PSME4: variants seen among roughly 807,000 people sequenced by gnomAD.
PSME4 encodes the protein proteasome activator complex subunit 4.
In PSME4, 89 loss-of-function variants were observed where a neutral mutation model predicts 253.9. The observed-to-expected ratio is 0.35, with a 90% CI of 0.30 to 0.42. The LOEUF (loss-of-function observed/expected upper bound fraction) is 0.42. PSME4 is among the 10% of genes least tolerant of loss of function. PSME4 has a pLI of 1.00. For missense variants in PSME4, 2,014 were observed against 2,195.2 expected (o/e 0.92, Z 1.65); for synonymous variants, 851 against 759.2 (o/e 1.12, Z -1.99).
rs190266516 is a variant in PSME4, at chr2:53,941,001, G to A, written c.501-1001C>T. Among the ~76,000 whole-genome samples, 100 of 46,472 alleles carry A rather than the reference G, an allele frequency of 2.2e-3. 2 individuals are homozygous for A. The highest frequency in any genetic ancestry group is 3.9e-3 in the Non-Finnish European group (79 of 20,022). 30.5% of individuals were successfully genotyped at this position (46,472 alleles called of 152,430 possible). A position where few individuals can be genotyped will look rare whatever the true frequency, so the allele number is the denominator to read the frequency against. ...TATATATATATATATATATATATAT[G>A]AAAGGAGTAAGTTTCAGGCAATGTC... On this transcript the variant is annotated intron_variant, in intron 3 of 46. Transcript: ENST00000404125.
intron 3 of PSME4, among the ~76,000 whole-genome samples, chr2:53,941,778 A>C (rs1191954299): frequency 6.6e-6 from 1 of 152,152 alleles, no homozygotes; most frequent in East Asian, 1.9e-4. Flanking sequence ...CATAAGATAC[A>C]TAATTCTATC....
At chr2:53,875,855 T>G in intron 41 of PSME4, 100 bp from the exon 42 acceptor site, 1 of 1,156,054 alleles carries the variant, frequency 8.7e-7, no homozygotes, top group Non-Finnish European at 1.2e-6. Context: ...TTAACAATTT[T>G]TATGGAAAAT....
chr2:53,898,974 C>T (rs1483239748), intron 29 of PSME4, among the ~76,000 whole-genome samples: 1 of 151,254 alleles, frequency 6.6e-6, no homozygotes, highest in Non-Finnish European at 1.5e-5. Context: ...TGATGTGTAC[C>T]AGTTATGTAG....
At chr2:53,920,550 C>A (rs992244885) in intron 18 of PSME4, among the ~76,000 whole-genome samples, 200 bp from the exon 19 acceptor site, 2 of 152,094 alleles carry the variant, frequency 1.3e-5, no homozygotes, top group African/African-American at 4.8e-5. Context: ...AAAAGTCTCC[C>A]CGAAGAGTAC....
In PSME4 at chr2:53,864,222, T is replaced by C. The variant is rs996381282; in HGVS notation, c.*1356A>G. The C allele has an allele frequency of 6.6e-6, 1 of 152,242 alleles. No homozygotes were observed. The highest frequency in any genetic ancestry group is 2.4e-5 in the African/African-American group (1 of 41,454). The allele number at this position is 152,242 out of a possible 1,614,324, so 9.4% of individuals were successfully genotyped here. On this transcript the variant is annotated 3_prime_UTR_variant, in exon 47 of 47. Coordinates refer to ENST00000404125, the MANE Select transcript of PSME4 (RefSeq NM_014614.3). ...TAGGTCTGTATTCAGTCATTCAGCA[T>C]GTAGATACTAAAAATATACTGTAGT...
At chr2:53,908,486 G>C (rs202164033) in intron 23 of PSME4, 24 bp downstream of exon 23, 1 of 1,609,374 alleles carries the variant, frequency 6.2e-7, no homozygotes, top group Admixed American at 1.7e-5. Flanking sequence ...TAATCATTAT[G>C]CAACTATCAA....
intron 42 of PSME4, among the ~76,000 whole-genome samples, chr2:53,874,734 C>G (rs1679044768): frequency 6.6e-6 from 1 of 152,162 alleles, no homozygotes; most frequent in Non-Finnish European, 1.5e-5. Context: ...CACCTGAGGT[C>G]AGGAGTTTGA....
At chr2:53,961,426 T>C in intron 1 of PSME4, among the ~76,000 whole-genome samples, 1 of 152,098 alleles carries the variant, frequency 6.6e-6, no homozygotes, top group Non-Finnish European at 1.5e-5. Context: ...CCCAGCACTT[T>C]GGGAGGGCGA....
chr2:53,937,101 T>C lies in PSME4; in HGVS notation c.696-274A>G, dbSNP rs549722393. 6.2e-4 allele frequency among the ~76,000 whole-genome samples: 94 copies of C among 152,330 alleles called. 1 individual carries two copies. Among genetic ancestry groups the C allele is most frequent in the Non-Finnish European group, 9.3e-4 (63 of 68,024 alleles). ...TATTTAACAATTGTTTTCAATTTTC[T>C]ACCTCCTTTTCCCTGCCCTTCTCCT... On this transcript the variant is annotated intron_variant, in intron 5 of 46. Coordinates refer to ENST00000404125, the MANE Select transcript of PSME4 (RefSeq NM_014614.3).
intron 11 of PSME4, among the ~76,000 whole-genome samples, chr2:53,927,865 G>A (rs1175196374): frequency 1.3e-5 from 2 of 152,162 alleles, no homozygotes; most frequent in Admixed American, 1.3e-4. Flanking sequence ...GAGAATTGCT[G>A]GAACCCAGGA....
chr2:53,895,538 T>G, intron 33 of PSME4, 45 bp downstream of exon 33: 1 of 1,543,716 alleles, frequency 6.5e-7, no homozygotes, highest in Non-Finnish European at 8.7e-7. Flanking sequence ...ATAAAGCAGT[T>G]ATATCAAAGG....
chr2:53,879,804 A>AAAAAAG (rs1426891782), intron 41 of PSME4, among the ~76,000 whole-genome samples: 1 of 149,400 alleles, frequency 6.7e-6, no homozygotes, highest in African/African-American at 2.4e-5. Context: ...CCTGTCTCAA[A>AAAAAAG]AAAAAAAAAA....
chr2:53,907,108 T>C (rs903234006), intron 24 of PSME4, among the ~76,000 whole-genome samples: 10 of 152,156 alleles, frequency 6.6e-5, no homozygotes, highest in African/African-American at 2.4e-4. Context: ...TTTTCTCTGA[T>C]AGTTTACTAT....
chr2:53,864,701 C>A lies in PSME4; in HGVS notation c.*877G>T, dbSNP rs969334310. On this transcript the variant is annotated 3_prime_UTR_variant, in exon 47 of 47. Coordinates refer to ENST00000404125, the MANE Select transcript of PSME4 (RefSeq NM_014614.3). Reference sequence around the variant, plus strand: ...TAAATATTAAGCCTTATTAGTCTCTCAACGATTCTGCAGGCAAAATAAAAA... The same window carrying A: ...TAAATATTAAGCCTTATTAGTCTCTAAACGATTCTGCAGGCAAAATAAAAA... 1 of 152,428 alleles carries A rather than the reference C, an allele frequency of 6.6e-6. No homozygotes were observed. The highest frequency in any genetic ancestry group is 2.4e-5 in the African/African-American group (1 of 41,352). 9.4% of individuals were successfully genotyped at this position (152,428 alleles called of 1,614,324 possible). A position where few individuals can be genotyped will look rare whatever the true frequency, so the allele number is the denominator to read the frequency against.
At chr2:53,896,454 C>T (rs2104430603) in intron 32 of PSME4, among the ~76,000 whole-genome samples, 1 of 152,180 alleles carries the variant, frequency 6.6e-6, no homozygotes, top group East Asian at 1.9e-4. Context: ...TCTGGTAATA[C>T]AATAAGGTAT....
chr2:53,876,919 C>T (rs1679159597), intron 41 of PSME4, among the ~76,000 whole-genome samples: 1 of 151,332 alleles, frequency 6.6e-6, no homozygotes. Flanking sequence ...GACAGAATCT[C>T]ACTGTGTTGC....
At chr2:53,930,979 C>T (rs886837773) in intron 10 of PSME4, among the ~76,000 whole-genome samples, 2 of 152,166 alleles carry the variant, frequency 1.3e-5, no homozygotes, top group Admixed American at 6.5e-5. Context: ...TTAAAAATTG[C>T]TCTCAAATTA....
chr2:53,952,637 C>T (rs1436638402), intron 1 of PSME4, among the ~76,000 whole-genome samples: 1 of 152,212 alleles, frequency 6.6e-6, no homozygotes, highest in Non-Finnish European at 1.5e-5. Flanking sequence ...TAGAGAAACA[C>T]TGTACTCTAA....
rs1369024398 is a variant in PSME4 at position 53,887,248 on chromosome 2, T to C, written c.4729+11A>G. ...TTTTCAACTGAGTTTCTACTAATTT[T>C]ATCCACTCACTGGTTTTCAAGAGTT... On this transcript the variant is annotated intron_variant, in intron 40 of 46. Coordinates refer to ENST00000404125, the MANE Select transcript of PSME4 (RefSeq NM_014614.3). 6.2e-7 allele frequency: 1 copy of C among 1,600,674 alleles called. No homozygotes were observed.
Sources: allele counts gnomAD v4.1 joint callset (sites outside exome capture counted in the v4.1 genomes callset), GRCh38; gene constraint gnomAD v4.1.1; transcripts MANE v1.5; gene names NCBI Gene and HGNC (gene_info 2026-07-23, HGNC 2026-07-21).